The following SPATA13 variants were observed in gnomAD, a reference collection of about 807,000 sequenced individuals.
SPATA13 encodes spermatogenesis associated 13.
A neutral mutation model predicts 104.0 loss-of-function variants in SPATA13; 50 were observed. The observed-to-expected ratio is 0.48, with a 90% CI of 0.38 to 0.61. The LOEUF (loss-of-function observed/expected upper bound fraction) is 0.61. SPATA13 is among the 20% of genes least tolerant of loss of function. The pLI, the probability that SPATA13 is intolerant of heterozygous loss-of-function variation, is 0.00. For synonymous variants in SPATA13, 606 were observed against 667.5 expected (o/e 0.91, Z 1.42); for missense variants, 1,524 against 1,690.6 (o/e 0.90, Z 1.73).
At chr13:24,178,489 G>A (rs1249144496) in intron 1 of SPATA13, among the ~76,000 whole-genome samples, 1 of 151,992 alleles carries the variant, frequency 6.6e-6, no homozygotes, top group African/African-American at 2.4e-5. Flanking sequence ...TGGCCTTTTG[G>A]CTATGATCAA....
At chr13:23,987,009 GTGTGTGT>G in intron 2 of SPATA13, among the ~76,000 whole-genome samples, 1 of 144,902 alleles carries the variant, frequency 6.9e-6, no homozygotes, top group Non-Finnish European at 1.6e-5. Context: ...ATCTGTGTGT[GTGTGTGT>G]GTGTGTGTGT....
At chr13:23,990,350 C>T (rs1448741984) in intron 2 of SPATA13, among the ~76,000 whole-genome samples, 1 of 152,216 alleles carries the variant, frequency 6.6e-6, no homozygotes, top group African/African-American at 2.4e-5. Context: ...TTAGCATGGC[C>T]TCTGGACTGG....
intron 4 of SPATA13, among the ~76,000 whole-genome samples, chr13:24,275,054 T>TC (rs1372900236): frequency 7.9e-5 from 12 of 152,140 alleles, no homozygotes; most frequent in Non-Finnish European, 1.3e-4. Flanking sequence ...GCTTTTTTTT[T>TC]CCTGATGTCT....
chr13:24,006,525 C>T (rs145898808), intron 2 of SPATA13, among the ~76,000 whole-genome samples: 52 of 152,316 alleles, frequency 3.4e-4, no homozygotes, highest in East Asian at 1.9e-4. Context: ...GCTCAGGGCA[C>T]GAGGTGCGGC....
At chr13:24,103,504 A>AAAAAAAAAAAAAAAAAAAAAAG (rs1458068316) in intron 3 of SPATA13, among the ~76,000 whole-genome samples, 1 of 115,578 alleles carries the variant, frequency 8.7e-6, no homozygotes, top group Non-Finnish European at 1.8e-5. Flanking sequence ...AAAAAAAAAC[A>AAAAAAAAAAAAAAAAAAAAAAG]AGAAAGAAAA....
At chr13:24,160,380 G>GA (rs1882417944), upstream of SPATA13, among the ~76,000 whole-genome samples, 1 of 152,214 alleles carries the variant, frequency 6.6e-6, no homozygotes, top group East Asian at 1.9e-4. Flanking sequence ...TGAGTAGCTG[G>GA]GATCACAGGC....
chr13:24,122,389 G>A (rs1273997104), intron 3 of SPATA13: 13 of 1,577,752 alleles, frequency 8.2e-6, no homozygotes, highest in South Asian at 5.6e-5. Context: ...AATGATTGTG[G>A]AATAGCCTTC....
intron 1 of SPATA13, among the ~76,000 whole-genome samples, chr13:24,210,766 GT>G (rs58789886): frequency 0.037 from 5,031 of 137,370 alleles, 259 homozygotes; most frequent in African/African-American, 0.12. Context: ...GAATTTTAGG[GT>G]TTTTTTTTTT....
At chr13:24,160,362 T>G (rs549415474), upstream of SPATA13, among the ~76,000 whole-genome samples, 5 of 152,242 alleles carry the variant, frequency 3.3e-5, no homozygotes, top group African/African-American at 1.2e-4. Context: ...TCTCCTGCCT[T>G]AGCCTCCTGA....
intron 2 of SPATA13, among the ~76,000 whole-genome samples, chr13:24,005,405 TA>T (rs1293363338): frequency 6.6e-6 from 1 of 151,982 alleles, no homozygotes; most frequent in Admixed American, 6.5e-5. Flanking sequence ...CTCAGGAATA[TA>T]GTGCTCACCT....
At chr13:24,154,394 AGACATACTGTTAAG>A (rs1287116260) in intron 3 of SPATA13, among the ~76,000 whole-genome samples, 1 of 152,248 alleles carries the variant, frequency 6.6e-6, no homozygotes. Context: ...GATGAATCTC[AGACATACTGTTAAG>A]GAAGTCAGAC....
At chr13:24,072,615 G>T (rs1879202887) in intron 3 of SPATA13, among the ~76,000 whole-genome samples, 1 of 152,112 alleles carries the variant, frequency 6.6e-6, no homozygotes, top group African/African-American at 2.4e-5. Flanking sequence ...CCATTCCCAT[G>T]ATTTCATTGA....
intron 4 of SPATA13, among the ~76,000 whole-genome samples, chr13:24,279,553 G>A (rs895656232): frequency 1.3e-5 from 2 of 152,196 alleles, no homozygotes; most frequent in African/African-American, 4.8e-5. Context: ...GGGGACCCAG[G>A]CTTGAGTGGT....
At chr13:24,057,257 G>A (rs1341508567) in intron 3 of SPATA13, among the ~76,000 whole-genome samples, 6 of 114,802 alleles carry the variant, frequency 5.2e-5, no homozygotes, top group South Asian at 6.1e-4. Context: ...AACAGTCCCC[G>A]GAGTGTGATG....
intron 3 of SPATA13, among the ~76,000 whole-genome samples, chr13:24,042,345 A>C (rs1038479714): frequency 1.3e-5 from 2 of 152,208 alleles, no homozygotes; most frequent in African/African-American, 4.8e-5. Context: ...TAAAATGTAA[A>C]AGTTCAAGTT....
intron 3 of SPATA13, among the ~76,000 whole-genome samples, chr13:24,050,257 T>A (rs539484531): frequency 6.6e-6 from 1 of 152,254 alleles, no homozygotes; most frequent in Non-Finnish European, 1.5e-5. Flanking sequence ...TAATAGATAT[T>A]AAAAAATAGA....
chr13:24,238,982 CTG>C (rs1490042769), intron 2 of SPATA13, among the ~76,000 whole-genome samples: 1 of 152,146 alleles, frequency 6.6e-6, no homozygotes, highest in African/African-American at 2.4e-5. Context: ...GCCCGAGTGT[CTG>C]TGGTGCACAG....
chr13:24,192,466 C>G (rs893983775), intron 1 of SPATA13, among the ~76,000 whole-genome samples: 1 of 152,094 alleles, frequency 6.6e-6, no homozygotes, highest in Non-Finnish European at 1.5e-5. Context: ...TCCTCCTACC[C>G]GCTGAAACAG....
At chr13:24,231,991 A>G (rs1872303679) in intron 2 of SPATA13, among the ~76,000 whole-genome samples, 2 of 152,256 alleles carry the variant, frequency 1.3e-5, no homozygotes, top group Middle Eastern at 3.4e-3. Flanking sequence ...GTTTCTTTAT[A>G]TTTCCTGGCC....
Sources: gnomAD v4.1 joint callset for allele counts (sites outside exome capture counted in the v4.1 genomes callset) on GRCh38, gnomAD v4.1.1 for gene constraint, MANE v1.5 for transcripts, NCBI Gene and HGNC (gene_info 2026-07-23, HGNC 2026-07-21) for gene names.